Variants in NUFIP1 observed in about 807,000 individuals in gnomAD.
NUFIP1 encodes the protein nuclear FMR1 interacting protein 1.
A neutral mutation model predicts 56.2 loss-of-function variants in NUFIP1; 38 were observed. That is an observed-to-expected ratio of 0.68 (90% CI 0.52 to 0.89). NUFIP1 has a LOEUF of 0.89. NUFIP1 is among the 40% of genes least tolerant of loss of function. NUFIP1 has a pLI of 0.00. For missense variants in NUFIP1, 567 were observed against 605.8 expected, an observed-to-expected ratio of 0.94 and a Z score of 0.67; for synonymous variants, 215 against 212.4, an observed-to-expected ratio of 1.01 and a Z score of -0.10.
intron 4 of NUFIP1, 118 bp from the exon 5 acceptor site, chr13:44,979,384 A>G (rs1188487725): frequency 1.4e-6 from 1 of 708,526 alleles, no homozygotes; most frequent in Non-Finnish European, 2.3e-6. Flanking sequence ...CCAAGTAAGC[A>G]GGTTGTATCT....
At chr13:44,965,181 G>C (rs1871554928) in intron 6 of NUFIP1, among the ~76,000 whole-genome samples, 1 of 152,170 alleles carries the variant, frequency 6.6e-6, no homozygotes, top group South Asian at 2.1e-4. Flanking sequence ...GAGTTTCCCT[G>C]CACAAGCTCT....
rs150505659 is a variant in NUFIP1, at chr13:44,965,275, C to T, written c.827+569G>A. ...CACAATTGTGAGGCTTCCCCAGCCA[C>T]GTGGAACTGTAAGTCCAGTTAAACC... On this transcript the variant is annotated intron_variant, in intron 6 of 9. Coordinates refer to ENST00000379161, the MANE Select transcript of NUFIP1 (RefSeq NM_012345.3). 3.0e-3 allele frequency among the ~76,000 whole-genome samples: 457 copies of T among 152,304 alleles called. 3 individuals are homozygous for T. In the East Asian group the frequency reaches 0.035, roughly 12 times the overall value.
intron 5 of NUFIP1, among the ~76,000 whole-genome samples, chr13:44,977,780 G>A (rs542158935): frequency 6.6e-6 from 1 of 152,208 alleles, no homozygotes; most frequent in Non-Finnish European, 1.5e-5. Flanking sequence ...TGGGTGTGGT[G>A]GCTCATGCCT....
In NUFIP1 at chr13:44,989,440, A is replaced by C; in HGVS notation, c.-4T>G. On this transcript the variant is annotated 5_prime_UTR_variant, in exon 1 of 10. Transcript: ENST00000379161. ...AATCACTAGTCGGCTCAGCCATACCACTGGCGGGTCCGGAGTCTAGCACGC... is the reference window on the plus strand; with the variant it reads ...AATCACTAGTCGGCTCAGCCATACCCCTGGCGGGTCCGGAGTCTAGCACGC... The C allele has an allele frequency of 6.2e-7, 1 of 1,612,372 alleles. No homozygotes were observed. Among genetic ancestry groups the C allele is most frequent in the South Asian group, 1.1e-5 (1 of 90,828 alleles).
intron 5 of NUFIP1, among the ~76,000 whole-genome samples, chr13:44,978,030 C>T (rs1420736953): frequency 6.6e-6 from 1 of 152,184 alleles, no homozygotes; most frequent in Non-Finnish European, 1.5e-5. Context: ...GCCTCAGTGA[C>T]AGAGACTCTG....
intron 1 of NUFIP1, among the ~76,000 whole-genome samples, chr13:44,986,691 CAAAAA>C (rs1190227669): frequency 1.9e-5 from 1 of 54,046 alleles, no homozygotes. Context: ...GACTCCATCT[CAAAAA>C]AAAAAAAAAA....
Position 44,941,131 on chromosome 13 carries a change from G to A in NUFIP1, c.*75C>T. 1.4e-6 allele frequency: 1 copy of A among 730,568 alleles called. No individual in the cohort carries two copies. Among genetic ancestry groups the A allele is most frequent in the Non-Finnish European group, 2.3e-6 (1 of 431,758 alleles). 45.3% of individuals were successfully genotyped at this position (730,568 alleles called of 1,614,324 possible). On this transcript the variant is annotated 3_prime_UTR_variant, in exon 10 of 10. Transcript: ENST00000379161. Reference sequence around the variant, plus strand: ...AAATCCAATTTTGACGGAAAAAAGGGTTTTGGTTTTCCTCTACTAACGAGG... The same window carrying A: ...AAATCCAATTTTGACGGAAAAAAGGATTTTGGTTTTCCTCTACTAACGAGG...
intron 1 of NUFIP1, among the ~76,000 whole-genome samples, chr13:44,985,449 G>GT (rs1872349803): frequency 6.6e-6 from 1 of 152,054 alleles, no homozygotes; most frequent in Admixed American, 6.5e-5. Context: ...ACTGCACTTC[G>GT]TTTTACACAG....
chr13:44,952,832 T>C (rs1402040147), intron 7 of NUFIP1, among the ~76,000 whole-genome samples: 1 of 152,256 alleles, frequency 6.6e-6, no homozygotes, highest in Non-Finnish European at 1.5e-5. Context: ...TGCATTCGGT[T>C]GTCATGACTC....
At chr13:44,943,355 C>A (rs1870808480) in intron 9 of NUFIP1, 87 bp downstream of exon 9, 15 of 930,040 alleles carry the variant, frequency 1.6e-5, no homozygotes, top group Middle Eastern at 2.5e-4. Flanking sequence ...AAAACAAACA[C>A]ACACACACAC....
In NUFIP1 at chr13:44,943,521, T is replaced by A. The variant is rs1212764060; in HGVS notation, c.1292A>T (p.Asn431Ile). Residue 431 changes from asparagine to isoleucine, a missense_variant, in exon 9 of 10, where the codon AAC becomes ATC. Coordinates refer to ENST00000379161, the MANE Select transcript of NUFIP1 (RefSeq NM_012345.3). ...ENRKKSFEKT[N>I]PKRKKDYHNY... ...GTGATAATCTTTTTTCCTCTTAGGGTTTGTTTTTTCAAAGCTTTTCTTTCG... is the reference window on the plus strand; with the variant it reads ...GTGATAATCTTTTTTCCTCTTAGGGATTGTTTTTTCAAAGCTTTTCTTTCG... The A allele has an allele frequency of 1.2e-6, 2 of 1,614,030 alleles. No homozygotes were observed. Among genetic ancestry groups the A allele is most frequent in the African/African-American group, 2.7e-5 (2 of 74,928 alleles).
intron 1 of NUFIP1, among the ~76,000 whole-genome samples, chr13:44,984,834 T>C (rs1872326021): frequency 6.6e-6 from 1 of 152,088 alleles, no homozygotes. Flanking sequence ...GCATTAGGTA[T>C]ATCTCCTAAT....
At chr13:44,976,621 A>G (rs1871990517) in intron 5 of NUFIP1, among the ~76,000 whole-genome samples, 1 of 152,220 alleles carries the variant, frequency 6.6e-6, no homozygotes, top group African/African-American at 2.4e-5. Flanking sequence ...AGCTACCTAC[A>G]GAAGCCAAGG....
intron 9 of NUFIP1, among the ~76,000 whole-genome samples, chr13:44,943,147 T>C (rs1870799745): frequency 1.3e-5 from 2 of 152,200 alleles, no homozygotes; most frequent in Admixed American, 1.3e-4. Context: ...CTTTTAGCTG[T>C]GCTTTCACTG....
Position 44,965,846 on chromosome 13 carries a change from A to C in NUFIP1, c.825T>G (p.Tyr275Ter). The C allele has an allele frequency of 6.3e-7, 1 of 1,575,312 alleles. No homozygotes were observed. The highest frequency in any genetic ancestry group is 8.6e-7 in the Non-Finnish European group (1 of 1,158,940). ...ATTCATAAGCATAAGGAGCTTACCC[A>C]TATTGTGTTGTTGTCAATACTGCTC... is the stretch of plus-strand genomic sequence containing the variant. ...KRGAVLTTTQ[Y>*]GKMKGMSRHS... Residue 275 changes from tyrosine to a stop codon, truncating the protein, a stop_gained and splice_region_variant, in exon 6 of 10, where the codon TAT (tyrosine) becomes TAG (stop). Transcript: ENST00000379161. LOFTEE classifies it high-confidence loss of function.
intron 5 of NUFIP1, among the ~76,000 whole-genome samples, chr13:44,972,885 A>G (rs1456103485): frequency 6.6e-6 from 1 of 152,226 alleles, no homozygotes; most frequent in Non-Finnish European, 1.5e-5. Context: ...ACTCAGCCAC[A>G]TATAGCAAAA....
intron 2 of NUFIP1, among the ~76,000 whole-genome samples, chr13:44,981,240 ATT>A (rs1490889041): frequency 1.1e-4 from 17 of 152,208 alleles, no homozygotes; most frequent in Non-Finnish European, 1.5e-4. Context: ...TTATAAAAGG[ATT>A]TTTTTCAGTA....
intron 5 of NUFIP1, among the ~76,000 whole-genome samples, chr13:44,976,124 A>AG (rs113033254): frequency 0.11 from 16,674 of 152,206 alleles, 1,770 homozygotes; most frequent in African/African-American, 0.27. Flanking sequence ...GCTAAGTAGT[A>AG]GGGGGAAAAA....
chr13:44,953,085 C>A (rs868277022), intron 7 of NUFIP1, among the ~76,000 whole-genome samples: 1 of 152,104 alleles, frequency 6.6e-6, no homozygotes, highest in Non-Finnish European at 1.5e-5. Flanking sequence ...TGACCTTGAC[C>A]ACTTTATGGT....
Sources: gnomAD v4.1 joint callset for allele counts (sites outside exome capture counted in the v4.1 genomes callset) on GRCh38, gnomAD v4.1.1 for gene constraint, MANE v1.5 for transcripts, NCBI Gene and HGNC (gene_info 2026-07-23, HGNC 2026-07-21) for gene names.